PEPD: variants seen among roughly 807,000 people sequenced by gnomAD.
PEPD encodes peptidase D, also known as xaa-Pro dipeptidase.
Under a neutral mutation model 60.7 loss-of-function variants are expected in PEPD, and 53 were observed. The observed-to-expected ratio is 0.87, with a 90% CI of 0.70 to 1.10. PEPD has a LOEUF of 1.10. Ranked by LOEUF, PEPD falls within the 50% of genes least tolerant of loss-of-function variation. The pLI is 0.00. For synonymous variants in PEPD, 267 were observed against 284.1 expected (o/e 0.94, Z 0.60); for missense variants, 711 against 711.9 (o/e 1.00, Z 0.01).
chr19:33,511,153 C>G lies in PEPD; in HGVS notation c.204G>C (p.Glu68Asp), dbSNP rs1458954722. 6.2e-7 allele frequency: 1 copy of G among 1,613,952 alleles called. No homozygotes were observed. The highest frequency in any genetic ancestry group is 1.3e-5 in the African/African-American group (1 of 74,930). Residue 68 changes from glutamate to aspartate, a missense_variant and splice_region_variant, in exon 3 of 15, where the codon GAG (glutamate) becomes GAC (aspartate). By Grantham distance (45) the Glu-to-Asp change is conservative (BLOSUM62 2). Transcript: ENST00000244137. ...CACCGAACGCCCAGTGAAAGAAGGA[C>G]TCCTGTGGCGGGAACAAGAACTATT... ...CTDTGVLFRQ[E>D]SFFHWAFGVT...
At chr19:33,483,503 C>T (rs1164669847) in intron 6 of PEPD, among the ~76,000 whole-genome samples, 4 of 152,156 alleles carry the variant, frequency 2.6e-5, no homozygotes, top group African/African-American at 9.7e-5. Flanking sequence ...GACTTCAACT[C>T]TCTGGATTCC....
chr19:33,396,382 C>T (rs1968362714), intron 12 of PEPD, among the ~76,000 whole-genome samples: 1 of 152,090 alleles, frequency 6.6e-6, no homozygotes, highest in African/African-American at 2.4e-5. Flanking sequence ...TGCTGCTGGG[C>T]CCCTCTCCCA....
At chr19:33,458,475 T>C (rs181260927) in intron 9 of PEPD, among the ~76,000 whole-genome samples, 11,337 of 150,246 alleles carry the variant, frequency 0.075, 518 homozygotes, top group Non-Finnish European at 0.11. Context: ...ATGTGGTATG[T>C]GGGGGTTGTG....
At chr19:33,462,908 T>G in intron 9 of PEPD, 87 bp downstream of exon 9, 1 of 824,882 alleles carries the variant, frequency 1.2e-6, no homozygotes, top group Middle Eastern at 2.2e-4. Context: ...TGTGTGCCAC[T>G]GCGGCGTCTC....
intron 7 of PEPD, 28 bp from the exon 8 acceptor site, chr19:33,464,090 A>T: frequency 6.4e-7 from 1 of 1,562,586 alleles, no homozygotes. Flanking sequence ...CAAAGCAGCA[A>T]ATCAGTGACT....
intron 13 of PEPD, 69 bp from the exon 14 acceptor site, chr19:33,388,150 T>C: frequency 7.5e-7 from 1 of 1,332,180 alleles, no homozygotes; most frequent in Non-Finnish European, 1.0e-6. Flanking sequence ...TCAGGAGAGA[T>C]GGGCATGTGA....
intron 4 of PEPD, among the ~76,000 whole-genome samples, chr19:33,497,732 G>C (rs926322846): frequency 6.6e-6 from 1 of 152,142 alleles, no homozygotes; most frequent in African/African-American, 2.4e-5. Context: ...CTCCCATGAT[G>C]CAACAGGCCC....
chr19:33,465,449 C>T (rs1398047481), intron 7 of PEPD, among the ~76,000 whole-genome samples: 1 of 152,142 alleles, frequency 6.6e-6, no homozygotes, highest in African/African-American at 2.4e-5. Context: ...CCTGAGGCCA[C>T]ACCCCTCTAC....
At chr19:33,430,547 C>T (rs1458845538) in intron 9 of PEPD, among the ~76,000 whole-genome samples, 1 of 152,200 alleles carries the variant, frequency 6.6e-6, no homozygotes, top group Non-Finnish European at 1.5e-5. Flanking sequence ...CTGTTTGCTA[C>T]AGCAATAAGG....
At chr19:33,485,664 T>C (rs986673959) in intron 6 of PEPD, among the ~76,000 whole-genome samples, 2 of 152,126 alleles carry the variant, frequency 1.3e-5, no homozygotes, top group African/African-American at 4.8e-5. Context: ...CGGATATTAA[T>C]ATTCCTGCAT....
At chr19:33,499,241 G>C (rs1051518007) in intron 4 of PEPD, among the ~76,000 whole-genome samples, 1 of 152,148 alleles carries the variant, frequency 6.6e-6, no homozygotes, top group Non-Finnish European at 1.5e-5. Context: ...GCTTGGGATT[G>C]AAATAACATA....
intron 4 of PEPD, among the ~76,000 whole-genome samples, chr19:33,494,889 C>T (rs963586817): frequency 3.9e-5 from 6 of 152,172 alleles, no homozygotes; most frequent in African/African-American, 1.4e-4. Context: ...ATCTAATACA[C>T]TTTGGGAGGA....
chr19:33,464,994 C>A (rs1969994251), intron 7 of PEPD, among the ~76,000 whole-genome samples: 1 of 152,196 alleles, frequency 6.6e-6, no homozygotes, highest in South Asian at 2.1e-4. Context: ...TTCAGCTCCA[C>A]CCCTTCCCAG....
At chr19:33,437,198 A>G (rs1421612343) in intron 9 of PEPD, among the ~76,000 whole-genome samples, 1 of 152,146 alleles carries the variant, frequency 6.6e-6, no homozygotes. Context: ...GGCTCTGCAC[A>G]CTACTCTGAA....
At chr19:33,480,083 C>T (rs4805891) in intron 6 of PEPD, among the ~76,000 whole-genome samples, 99,710 of 152,116 alleles carry the variant, frequency 0.66, 33,151 homozygotes, top group African/African-American at 0.76. Context: ...GCATCTGTTA[C>T]TTTTTGACTT....
chr19:33,496,575 G>T (rs1052618484), intron 4 of PEPD, among the ~76,000 whole-genome samples: 1 of 152,226 alleles, frequency 6.6e-6, no homozygotes, highest in Non-Finnish European at 1.5e-5. Context: ...AACACGACGC[G>T]CTGTGCGTTG....
chr19:33,400,996 G>T (rs982559612), intron 12 of PEPD, among the ~76,000 whole-genome samples: 1 of 152,198 alleles, frequency 6.6e-6, no homozygotes, highest in Admixed American at 6.5e-5. Context: ...CCCTCCAGGG[G>T]ACCTCCTCTG....
intron 10 of PEPD, among the ~76,000 whole-genome samples, chr19:33,413,143 A>G (rs919309314): frequency 6.6e-6 from 1 of 152,178 alleles, no homozygotes; most frequent in Non-Finnish European, 1.5e-5. Flanking sequence ...ACACCCACAT[A>G]GACACACCAC....
intron 9 of PEPD, among the ~76,000 whole-genome samples, chr19:33,460,501 C>T (rs1969906032): frequency 6.6e-6 from 1 of 152,180 alleles, no homozygotes; most frequent in African/African-American, 2.4e-5. Flanking sequence ...ATCTTCCCAC[C>T]ATCTTCAGAG....
Sources: gnomAD v4.1 joint callset for allele counts (sites outside exome capture counted in the v4.1 genomes callset) on GRCh38, gnomAD v4.1.1 for gene constraint, MANE v1.5 for transcripts, NCBI Gene and HGNC (gene_info 2026-07-23, HGNC 2026-07-21) for gene names.